SMOC1: variants seen among roughly 807,000 people sequenced by gnomAD.
SMOC1 encodes the protein SPARC related modular calcium binding 1, also known as SPARC-related modular calcium-binding protein 1.
SMOC1 carries 22 observed loss-of-function variants against 56.3 expected under a neutral mutation model. The ratio of observed to expected loss-of-function variants is 0.39; its 90% CI spans 0.28 to 0.56. SMOC1 has a LOEUF of 0.56. SMOC1 is among the 20% of genes least tolerant of loss of function. The pLI is 0.61. For synonymous variants in SMOC1, 193 were observed against 215.0 expected (o/e 0.90, Z 0.89); for missense variants, 509 against 565.4 (o/e 0.90, Z 1.01).
At chr14:69,970,192 C>T (rs1033782786) in intron 3 of SMOC1, among the ~76,000 whole-genome samples, 3 of 152,132 alleles carry the variant, frequency 2.0e-5, no homozygotes, top group Non-Finnish European at 2.9e-5. Flanking sequence ...AGCTGCTTCC[C>T]TGGTGGGCAT....
At chr14:70,022,832 G>T (rs145750328) in intron 10 of SMOC1, among the ~76,000 whole-genome samples, 2 of 152,200 alleles carry the variant, frequency 1.3e-5, no homozygotes, top group Non-Finnish European at 2.9e-5. Flanking sequence ...CAGCTTGTCC[G>T]CAGTGAGTGC....
At chr14:70,019,620 G>A (rs948979812) in intron 10 of SMOC1, among the ~76,000 whole-genome samples, 4 of 152,208 alleles carry the variant, frequency 2.6e-5, no homozygotes, top group Non-Finnish European at 4.4e-5. Flanking sequence ...CTGGAGCTGG[G>A]AGGGGAAGGG....
chr14:69,895,717 G>A (rs1884076751), intron 1 of SMOC1, among the ~76,000 whole-genome samples: 1 of 152,104 alleles, frequency 6.6e-6, no homozygotes. Flanking sequence ...CTGGCTTTGA[G>A]GACCATGTAA....
chr14:70,021,062 C>T (rs117442822), intron 10 of SMOC1, among the ~76,000 whole-genome samples: 6 of 152,264 alleles, frequency 3.9e-5, no homozygotes, highest in South Asian at 2.1e-4. Flanking sequence ...GTAGACATTA[C>T]GCTATACTGA....
At chr14:69,910,894 C>A (rs185538399) in intron 1 of SMOC1, among the ~76,000 whole-genome samples, 1 of 152,044 alleles carries the variant, frequency 6.6e-6, no homozygotes, top group African/African-American at 2.4e-5. Flanking sequence ...TTAGTGGGAG[C>A]GGGTCTGTTG....
rs900618115 is a variant in SMOC1, at chr14:70,016,906, C to T, written c.1046+3415C>T. On this transcript the variant is annotated intron_variant, in intron 10 of 11. Transcript: ENST00000361956. ...CCTGTTCACCCTGTACCTCAGCACCCCTTTTTAACTCAGCCTAGCATATAT... is the reference window on the plus strand; with the variant it reads ...CCTGTTCACCCTGTACCTCAGCACCTCTTTTTAACTCAGCCTAGCATATAT... 2.6e-5 allele frequency among the ~76,000 whole-genome samples: 4 copies of T among 152,200 alleles called. No homozygotes were observed. In the South Asian group the frequency reaches 6.2e-4, roughly 24 times the overall value.
intron 11 of SMOC1, 78 bp downstream of exon 11, chr14:70,023,525 A>G (rs1186580992): frequency 1.3e-6 from 2 of 1,583,828 alleles, no homozygotes; most frequent in East Asian, 2.2e-5. Flanking sequence ...TCTCTGATAA[A>G]TGAGATTCCA....
intron 5 of SMOC1, among the ~76,000 whole-genome samples, chr14:69,978,365 T>C (rs1884047652): frequency 1.3e-5 from 2 of 152,210 alleles, no homozygotes; most frequent in African/African-American, 4.8e-5. Flanking sequence ...TTGGGCATTT[T>C]TCCCCCCTCG....
At chr14:70,001,931 G>C (rs1884983653) in intron 7 of SMOC1, among the ~76,000 whole-genome samples, 1 of 152,186 alleles carries the variant, frequency 6.6e-6, no homozygotes. Flanking sequence ...TCCAACTGTT[G>C]CTGACTTCAG....
chr14:69,979,441 A>G (rs1361933767), intron 5 of SMOC1, among the ~76,000 whole-genome samples: 1 of 152,212 alleles, frequency 6.6e-6, no homozygotes, highest in Non-Finnish European at 1.5e-5. Context: ...GGTCCTTCCC[A>G]GGGCATGAGG....
intron 3 of SMOC1, among the ~76,000 whole-genome samples, chr14:69,974,050 A>T (rs1883870991): frequency 6.6e-6 from 1 of 152,214 alleles, no homozygotes; most frequent in Non-Finnish European, 1.5e-5. Flanking sequence ...ATTGATGGAG[A>T]CCAAGAATTG....
At chr14:69,907,716 G>A (rs557561402) in intron 1 of SMOC1, among the ~76,000 whole-genome samples, 16 of 152,322 alleles carry the variant, frequency 1.1e-4, no homozygotes, top group African/African-American at 3.8e-4. Context: ...ACCATAGACT[G>A]GGTAAGCTTA....
intron 1 of SMOC1, among the ~76,000 whole-genome samples, chr14:69,950,809 G>A (rs1882969366): frequency 6.6e-6 from 1 of 152,230 alleles, no homozygotes; most frequent in Non-Finnish European, 1.5e-5. Flanking sequence ...TCATGGTTAA[G>A]TAACTGGAAG....
In SMOC1 at chr14:70,030,280, G is replaced by C; in HGVS notation, c.*22G>C. The stretch of plus-strand genomic sequence containing the variant: ...CTAAGGAGCAGAAAACCCAAGGGCA[G>C]GTGGAGAGTCCAGGGAGGCAGGATG... On this transcript the variant is annotated 3_prime_UTR_variant, in exon 12 of 12. Transcript: ENST00000361956. The C allele has an allele frequency of 6.2e-7, 1 of 1,613,138 alleles. No individual in the cohort carries two copies. Among genetic ancestry groups the C allele is most frequent in the South Asian group, 1.1e-5 (1 of 91,036 alleles).
intron 1 of SMOC1, among the ~76,000 whole-genome samples, chr14:69,939,961 G>C (rs10149581): frequency 0.073 from 11,123 of 152,262 alleles, 523 homozygotes; most frequent in Middle Eastern, 0.17. Flanking sequence ...GCTTCATGCA[G>C]AGGTGGGAAG....
chr14:70,023,159 C>G (rs1885791554), intron 10 of SMOC1, 44 bp from the exon 11 acceptor site: 2 of 1,613,260 alleles, frequency 1.2e-6, no homozygotes, highest in African/African-American at 2.7e-5. Flanking sequence ...CTGCAAGATC[C>G]TGATTGGTGT....
chr14:69,956,831 T>G (rs1435064157), intron 3 of SMOC1, among the ~76,000 whole-genome samples: 2 of 152,208 alleles, frequency 1.3e-5, no homozygotes, highest in Non-Finnish European at 2.9e-5. Context: ...TAGACCATGT[T>G]AGACTTTTAA....
At chr14:69,990,493 T>C (rs1884522759) in intron 5 of SMOC1, among the ~76,000 whole-genome samples, 1 of 152,252 alleles carries the variant, frequency 6.6e-6, no homozygotes, top group African/African-American at 2.4e-5. Flanking sequence ...CACACTGTGC[T>C]GGACTATTTA....
intron 1 of SMOC1, among the ~76,000 whole-genome samples, chr14:69,909,992 C>T (rs1329078295): frequency 6.6e-6 from 1 of 152,156 alleles, no homozygotes; most frequent in African/African-American, 2.4e-5. Context: ...ACCATGTTTC[C>T]TAACCTGGAG....
Sources: allele counts gnomAD v4.1 joint callset (sites outside exome capture counted in the v4.1 genomes callset), GRCh38; gene constraint gnomAD v4.1.1; transcripts MANE v1.5; gene names NCBI Gene and HGNC (gene_info 2026-07-23, HGNC 2026-07-21).